The following AKT2 variants were observed in gnomAD, a reference collection of about 807,000 sequenced individuals.
AKT2 encodes AKT serine/threonine kinase 2, also known as RAC-beta serine/threonine-protein kinase.
AKT2 carries 16 observed loss-of-function variants against 58.6 expected under a neutral mutation model. The observed-to-expected ratio is 0.27, with a 90% CI of 0.18 to 0.41. AKT2 has a LOEUF of 0.41. Ranked by LOEUF, AKT2 falls within the 10% of genes least tolerant of loss-of-function variation. The pLI is 1.00. For synonymous variants in AKT2, 253 were observed against 254.0 expected (o/e 1.00, Z 0.04); for missense variants, 438 against 661.0 (o/e 0.66, Z 3.70).
chr19:40,261,482 G>A (rs35789597), intron 2 of AKT2, among the ~76,000 whole-genome samples: 8,338 of 150,780 alleles, frequency 0.055, 308 homozygotes, highest in Non-Finnish European at 0.089. Flanking sequence ...GCAGTGAGCC[G>A]AGATCGCGCC....
At chr19:40,249,942 G>A (rs772933603) in intron 4 of AKT2, among the ~76,000 whole-genome samples, 2 of 152,296 alleles carry the variant, frequency 1.3e-5, no homozygotes, top group East Asian at 1.9e-4. Flanking sequence ...TCGTGGAGTC[G>A]GGGAGAGCTG....
intron 1 of AKT2, chr19:40,279,465 C>G (rs942061881): frequency 6.6e-6 from 1 of 152,290 alleles, no homozygotes; most frequent in South Asian, 2.1e-4. Context: ...GAGGGCCTTC[C>G]GCTGAGAGCT....
chr19:40,235,164 C>T lies in AKT2; in HGVS notation c.1264-17G>A, dbSNP rs757079700. On this transcript the variant is annotated splice_polypyrimidine_tract_variant and intron_variant, in intron 12 of 13. Coordinates refer to ENST00000392038, the MANE Select transcript of AKT2 (RefSeq NM_001626.6). The surrounding 1 kb of genome is among the most constrained non-coding windows in gnomAD (Gnocchi z 6.3). ...TGGCAGGAGCTACGGAGGAGAGGAG[C>T]TCAGGCTCAGGGACCCTGAGGCCAG... 1.2e-6 allele frequency: 2 copies of T among 1,613,888 alleles called. No homozygotes were observed. The highest frequency in any genetic ancestry group is 1.7e-6 in the Non-Finnish European group (2 of 1,179,858).
intron 6 of AKT2, 95 bp from the exon 7 acceptor site, chr19:40,240,205 C>G: frequency 1.6e-6 from 2 of 1,242,596 alleles, no homozygotes; most frequent in Non-Finnish European, 2.4e-6. Flanking sequence ...AAATGCAATT[C>G]CATTCCCAGC....
intron 1 of AKT2, among the ~76,000 whole-genome samples, chr19:40,277,511 G>A (rs2077348401): frequency 6.6e-6 from 1 of 151,974 alleles, no homozygotes; most frequent in South Asian, 2.1e-4. Context: ...CTTCTCTTTG[G>A]GGATAAAGCC....
intron 1 of AKT2, among the ~76,000 whole-genome samples, chr19:40,277,039 A>T (rs1258522520): frequency 6.6e-6 from 1 of 152,140 alleles, no homozygotes; most frequent in Non-Finnish European, 1.5e-5. Flanking sequence ...ATAATGAAAA[A>T]TTTAAAAAGA....
chr19:40,262,003 C>T (rs922471361), intron 2 of AKT2, among the ~76,000 whole-genome samples: 1 of 151,338 alleles, frequency 6.6e-6, no homozygotes, highest in Non-Finnish European at 1.5e-5. Flanking sequence ...CTTGGGAGAG[C>T]TTCCGGGGAC....
At chr19:40,241,892 C>A in intron 6 of AKT2, 46 bp downstream of exon 6, 1 of 1,612,830 alleles carries the variant, frequency 6.2e-7, no homozygotes, top group Non-Finnish European at 8.5e-7. Context: ...GGCTCCAGAC[C>A]GCAGCCCCCA....
In AKT2 at chr19:40,242,527, C is replaced by T; in HGVS notation, c.441+7G>A. On this transcript the variant is annotated splice_region_variant and intron_variant, in intron 5 of 13. Transcript: ENST00000392038. This position sits in a 1 kb window ranked among gnomAD's most constrained non-coding sequence, Gnocchi z 4.3. ...CTGGCAGCCCCACCCCTGCTCCCAG[C>T]ACTTACCACTTTAGCCCGTGCCTTG... The T allele has an allele frequency of 1.9e-6, 3 of 1,613,528 alleles. No homozygotes were observed. Among genetic ancestry groups the T allele is most frequent in the Admixed American group, 1.7e-5 (1 of 60,032 alleles).
chr19:40,267,615 G>T (rs145373092), intron 1 of AKT2, among the ~76,000 whole-genome samples: 85 of 152,260 alleles, frequency 5.6e-4, no homozygotes, highest in African/African-American at 2.0e-3. Context: ...CCAGCAAAGC[G>T]TCTTATCTAA....
rs1411267538 is a variant in AKT2, at chr19:40,238,877, G to A, written c.708+28C>T. The A allele has an allele frequency of 5.0e-6, 8 of 1,612,936 alleles. No homozygotes were observed. Among genetic ancestry groups the A allele is most frequent in the Middle Eastern group, 1.6e-4 (1 of 6,084 alleles). On this transcript the variant is annotated intron_variant, in intron 8 of 13. Coordinates refer to ENST00000392038, the MANE Select transcript of AKT2 (RefSeq NM_001626.6). This position sits in a 1 kb window ranked among gnomAD's most constrained non-coding sequence, Gnocchi z 5.1. The stretch of plus-strand genomic sequence containing the variant: ...CCACCCTAAAGAAGGAGGCCCCAGA[G>A]GGCAAAGTCAAGGCAGCCGCGGCTC...
intron 1 of AKT2, chr19:40,273,475 CT>C (rs11287076): frequency 0.72 from 102,182 of 141,930 alleles, 36,670 homozygotes; most frequent in African/African-American, 0.77. Flanking sequence ...ACTGAAGAAA[CT>C]TTTTTTTTTT....
Position 40,234,937 on chromosome 19 carries a change from C to T in AKT2, c.1366+108G>A, listed in dbSNP as rs1238188945. The T allele has an allele frequency of 1.9e-6, 2 of 1,030,832 alleles. No homozygotes were observed. The highest frequency in any genetic ancestry group is 3.0e-6 in the Non-Finnish European group (2 of 668,646). 63.9% of individuals were successfully genotyped at this position (1,030,832 alleles called of 1,614,324 possible). A position where few individuals can be genotyped will look rare whatever the true frequency, so the allele number is the denominator to read the frequency against. The stretch of plus-strand genomic sequence containing the variant: ...AGCAGACTTGGGGAAATCTCCCAGA[C>T]ATGAAGCGGGGGCCTTCGAGGGCCC... On this transcript the variant is annotated intron_variant, in intron 13 of 13. Transcript: ENST00000392038. This position sits in a 1 kb window ranked among gnomAD's most constrained non-coding sequence, Gnocchi z 4.7.
At chr19:40,236,519 A>C in intron 9 of AKT2, 134 bp from the exon 10 acceptor site, 2 of 1,195,698 alleles carry the variant, frequency 1.7e-6, no homozygotes, top group Non-Finnish European at 2.4e-6. Context: ...CAGCACACAC[A>C]GCCTCACCCT....
chr19:40,278,227 C>T (rs1194463348), intron 1 of AKT2, among the ~76,000 whole-genome samples: 1 of 152,236 alleles, frequency 6.6e-6, no homozygotes, highest in African/African-American at 2.4e-5. Context: ...GCTTCGCCGA[C>T]AGAGCAGGGT....
intron 1 of AKT2, chr19:40,274,059 C>A: frequency 6.5e-6 from 1 of 152,778 alleles, no homozygotes. Flanking sequence ...GCCTGGCACT[C>A]TGTTCACCCA....
intron 4 of AKT2, among the ~76,000 whole-genome samples, 182 bp downstream of exon 4, chr19:40,254,976 G>A (rs1320563375): frequency 1.3e-5 from 2 of 152,176 alleles, no homozygotes; most frequent in African/African-American, 4.8e-5. Context: ...AAAGGGCAGA[G>A]TAGGGTCTTC....
At chr19:40,258,026 C>T (rs1311993622) in intron 2 of AKT2, among the ~76,000 whole-genome samples, 1 of 151,874 alleles carries the variant, frequency 6.6e-6, no homozygotes, top group East Asian at 1.9e-4. Flanking sequence ...GCGAGCGGAT[C>T]ACCTGAGGTC....
At chr19:40,240,382 C>T in intron 6 of AKT2, 1 of 661,380 alleles carries the variant, frequency 1.5e-6, no homozygotes, top group South Asian at 1.5e-5. Context: ...CCTGTGACGT[C>T]CCTGCAAGGG....
Sources: allele counts gnomAD v4.1 joint callset (sites outside exome capture counted in the v4.1 genomes callset), GRCh38; gene constraint gnomAD v4.1.1; non-coding constraint Gnocchi (gnomAD v3.1); transcripts MANE v1.5; gene names NCBI Gene and HGNC (gene_info 2026-07-23, HGNC 2026-07-21).